The following IGSF21 variants were observed in gnomAD, a reference collection of about 807,000 sequenced individuals.
IGSF21 encodes the protein immunoglobulin superfamily member 21.
In IGSF21, 28 loss-of-function variants were observed where a neutral mutation model predicts 46.8. That is an observed-to-expected ratio of 0.60 (90% CI 0.44 to 0.82). The LOEUF is 0.82. Among genes scored for constraint, IGSF21 ranks in the 40% least tolerant of loss-of-function variants. The pLI is 0.00. For synonymous variants in IGSF21, 284 were observed against 273.6 expected, an observed-to-expected ratio of 1.04 and a Z score of -0.38; for missense variants, 624 against 665.5, an observed-to-expected ratio of 0.94 and a Z score of 0.69.
At chr1:18,166,746 G>A (rs1334810794) in intron 1 of IGSF21, among the ~76,000 whole-genome samples, 1 of 152,180 alleles carries the variant, frequency 6.6e-6, no homozygotes, top group Non-Finnish European at 1.5e-5. Context: ...CCATGACCTG[G>A]AATGCATGGG....
At position 18,291,980 on chromosome 1, in the gene IGSF21, A is replaced by T. The variant is rs1402653725; in HGVS notation, c.298A>T (p.Thr100Ser). The change falls in exon 3 of 10, where the codon ACT becomes TCT. Residue 100 changes from threonine (T) to serine (S), a missense_variant. Coordinates refer to ENST00000251296, the MANE Select transcript of IGSF21 (RefSeq NM_032880.5). ...RKREDLVYQSTVRLPEVRISD... is the reference protein window; with the variant it reads ...RKREDLVYQSSVRLPEVRISD... ...GCGAGAGGACCTGGTGTACCAGTCCACTGTGAGGTGAGTGCCTGGGGGTGG... is the reference window on the plus strand; with the variant it reads ...GCGAGAGGACCTGGTGTACCAGTCCTCTGTGAGGTGAGTGCCTGGGGGTGG... 1 of 1,613,492 alleles carries T rather than the reference A, an allele frequency of 6.2e-7. No individual in the cohort carries two copies. The highest frequency in any genetic ancestry group is 8.5e-7 in the Non-Finnish European group (1 of 1,179,838).
chr1:18,142,418 G>C (rs185622907), intron 1 of IGSF21, among the ~76,000 whole-genome samples: 3 of 152,258 alleles, frequency 2.0e-5, no homozygotes, highest in South Asian at 2.1e-4. Flanking sequence ...CACATTATTG[G>C]AGCTGTGATG....
chr1:18,169,460 G>T (rs931591828), intron 1 of IGSF21, among the ~76,000 whole-genome samples: 2 of 152,214 alleles, frequency 1.3e-5, no homozygotes. Flanking sequence ...GGGGTCCTCT[G>T]CTCTTTCCAA....
At chr1:18,152,046 G>A (rs4920443) in intron 1 of IGSF21, among the ~76,000 whole-genome samples, 46,012 of 151,988 alleles carry the variant, frequency 0.3, 7,552 homozygotes, top group East Asian at 0.51. Context: ...AGTGGACTCC[G>A]TGAGGACAGG....
chr1:18,234,404 T>TA (rs1182641198), intron 2 of IGSF21, among the ~76,000 whole-genome samples: 1 of 152,240 alleles, frequency 6.6e-6, no homozygotes, highest in African/African-American at 2.4e-5. Context: ...TAGTTGATTT[T>TA]ACAACAAATG....
At chr1:18,124,673 C>G (rs2086260792) in intron 1 of IGSF21, among the ~76,000 whole-genome samples, 2 of 152,204 alleles carry the variant, frequency 1.3e-5, no homozygotes, top group Non-Finnish European at 2.9e-5. Flanking sequence ...CCTGCCTCGG[C>G]AGTCACTGGA....
rs760448516 is a variant in IGSF21, at chr1:18,273,039, C to CTTTTTTTTT, written c.184-18810_184-18802dup. 1.4e-3 allele frequency among the ~76,000 whole-genome samples: 117 copies of CTTTTTTTTT among 80,714 alleles called. 9 individuals carry two copies. Among genetic ancestry groups the CTTTTTTTTT allele is most frequent in the African/African-American group, 5.5e-3 (103 of 18,702 alleles). The allele number at this position is 80,714 out of a possible 152,430, so 53.0% of individuals were successfully genotyped here. A position where few individuals can be genotyped will look rare whatever the true frequency, so the allele number is the denominator to read the frequency against. On this transcript the variant is annotated intron_variant, in intron 2 of 9. Transcript: ENST00000251296. The stretch of plus-strand genomic sequence containing the variant: ...CTTCTCCACTAGCAGCCAGACGGAT[C>CTTTTTTTTT]TTTTTTTTTTTTTTTTTTTTTTTTT...
At chr1:18,319,056 G>A (rs1490359023) in intron 3 of IGSF21, among the ~76,000 whole-genome samples, 2 of 152,206 alleles carry the variant, frequency 1.3e-5, no homozygotes, top group Admixed American at 6.5e-5. Context: ...CCCAAAGTGA[G>A]TATGTCTTAA....
intron 3 of IGSF21, among the ~76,000 whole-genome samples, chr1:18,310,853 T>C (rs537022848): frequency 6.6e-6 from 1 of 152,268 alleles, no homozygotes; most frequent in Non-Finnish European, 1.5e-5. Context: ...TTGGCATTCG[T>C]TGGCTTGTAG....
At chr1:18,312,319 G>A (rs2085497335) in intron 3 of IGSF21, among the ~76,000 whole-genome samples, 1 of 152,222 alleles carries the variant, frequency 6.6e-6, no homozygotes, top group South Asian at 2.1e-4. Context: ...CACTGAGATA[G>A]GTCGTGCTTA....
Position 18,377,116 on chromosome 1 carries a change from C to T in IGSF21, c.1294+124C>T, listed in dbSNP as rs919005933. 28 of 1,039,778 alleles carry T rather than the reference C, an allele frequency of 2.7e-5. No individual in the cohort carries two copies. The Admixed American group carries it at 7.3e-4, about 27-fold the overall frequency. The allele number at this position is 1,039,778 out of a possible 1,614,324, so 64.4% of individuals were successfully genotyped here. A position where few individuals can be genotyped will look rare whatever the true frequency, so the allele number is the denominator to read the frequency against. ...TTGGGCCTAAATCTCCCAAATTTGC[C>T]CTGAGAGGGTGCCCCACTGGGAGGC... On this transcript the variant is annotated intron_variant, in intron 8 of 9. Coordinates refer to ENST00000251296, the MANE Select transcript of IGSF21 (RefSeq NM_032880.5).
chr1:18,178,996 A>T (rs2124467177), intron 1 of IGSF21: 1 of 152,314 alleles, frequency 6.6e-6, no homozygotes, highest in East Asian at 1.9e-4. Flanking sequence ...TCATGAATAA[A>T]TATTAATATT....
intron 3 of IGSF21, among the ~76,000 whole-genome samples, chr1:18,310,129 A>C (rs901171076): frequency 1.3e-5 from 2 of 152,172 alleles, no homozygotes; most frequent in East Asian, 3.9e-4. Context: ...GACAGAACCA[A>C]CAGATGCCTT....
chr1:18,367,633 T>C (rs1227047550), intron 6 of IGSF21, among the ~76,000 whole-genome samples: 4 of 128,416 alleles, frequency 3.1e-5, no homozygotes, highest in Non-Finnish European at 6.3e-5. Context: ...TTTGACAGAG[T>C]CTGGCTCTGT....
At chr1:18,172,310 C>T (rs374159755) in intron 1 of IGSF21, among the ~76,000 whole-genome samples, 95 of 152,302 alleles carry the variant, frequency 6.2e-4, no homozygotes, top group African/African-American at 1.8e-3. Context: ...TGGAGCAAGG[C>T]ACTTATGTAC....
intron 3 of IGSF21, among the ~76,000 whole-genome samples, chr1:18,297,131 A>C (rs1269435763): frequency 6.6e-6 from 1 of 152,128 alleles, no homozygotes; most frequent in African/African-American, 2.4e-5. Flanking sequence ...CTAGACTGGA[A>C]GCCCCATGAG....
At chr1:18,369,903 T>G (rs1428632898) in intron 6 of IGSF21, among the ~76,000 whole-genome samples, 3 of 152,194 alleles carry the variant, frequency 2.0e-5, no homozygotes, top group African/African-American at 7.2e-5. Context: ...GGACCACAGA[T>G]GCCTGAGCGT....
rs2085759884 is a variant in IGSF21 at position 18,335,775 on chromosome 1, TA to T, written c.424+768del. Among the ~76,000 whole-genome samples, 1 of 152,142 alleles carries T rather than the reference TA, an allele frequency of 6.6e-6. No individual in the cohort carries two copies. The highest frequency in any genetic ancestry group is 2.4e-5 in the African/African-American group (1 of 41,424). On this transcript the variant is annotated intron_variant, in intron 4 of 9. Coordinates refer to ENST00000251296, the MANE Select transcript of IGSF21 (RefSeq NM_032880.5). This position sits in a 1 kb window ranked among gnomAD's most constrained non-coding sequence, Gnocchi z 4.8. ...GGTACACAGGCAATCGATGAAAGCA[TA>T]AAGGCCCTGCTGAAAGCCGCCGCTT...
At chr1:18,242,473 A>G (rs182042784) in intron 2 of IGSF21, among the ~76,000 whole-genome samples, 48 of 152,226 alleles carry the variant, frequency 3.2e-4, no homozygotes, top group African/African-American at 1.1e-3. Context: ...TTATTTTATT[A>G]TTTTGCAAAG....
Sources: allele counts gnomAD v4.1 joint callset (sites outside exome capture counted in the v4.1 genomes callset), GRCh38; gene constraint gnomAD v4.1.1; non-coding constraint Gnocchi (gnomAD v3.1); transcripts MANE v1.5; gene names NCBI Gene and HGNC (gene_info 2026-07-23, HGNC 2026-07-21).